CHRM3: variants seen among roughly 807,000 people sequenced by gnomAD.
The protein encoded by CHRM3 is cholinergic receptor muscarinic 3.
A neutral mutation model predicts 41.8 loss-of-function variants in CHRM3; 11 were observed. The observed-to-expected ratio is 0.26, with a 90% CI of 0.17 to 0.44. The LOEUF (loss-of-function observed/expected upper bound fraction) is 0.44, where lower values mean the gene tolerates loss of function less well. CHRM3 is among the 20% of genes least tolerant of loss of function. The pLI is 1.00. For missense variants in CHRM3, 571 were observed against 745.4 expected (o/e 0.77, Z 2.72); for synonymous variants, 297 against 301.4 (o/e 0.99, Z 0.15).
intron 2 of CHRM3, among the ~76,000 whole-genome samples, chr1:239,519,815 T>C (rs1196203101): frequency 1.4e-5 from 2 of 141,232 alleles, no homozygotes; most frequent in African/African-American, 5.2e-5. Flanking sequence ...TGGCACGATC[T>C]TGGCTCACTG....
At chr1:239,672,688 G>A (rs1474261231) in intron 4 of CHRM3, among the ~76,000 whole-genome samples, 1 of 151,912 alleles carries the variant, frequency 6.6e-6, no homozygotes, top group Non-Finnish European at 1.5e-5. Context: ...CTTATCCAAA[G>A]GAGATCAAAC....
chr1:239,875,462 G>T (rs1261169024), intron 6 of CHRM3, among the ~76,000 whole-genome samples: 1 of 152,202 alleles, frequency 6.6e-6, no homozygotes, highest in Non-Finnish European at 1.5e-5. Flanking sequence ...TGCTTAACAT[G>T]TGTCACAAAA....
At chr1:239,467,552 G>A (rs773549331) in intron 1 of CHRM3, among the ~76,000 whole-genome samples, 8 of 152,026 alleles carry the variant, frequency 5.3e-5, no homozygotes, top group Non-Finnish European at 1.2e-4. Flanking sequence ...CGCCTGCCTC[G>A]GCCTCCCAAA....
chr1:239,607,074 C>T (rs1284536637), intron 3 of CHRM3, among the ~76,000 whole-genome samples: 1 of 151,972 alleles, frequency 6.6e-6, no homozygotes, highest in Non-Finnish European at 1.5e-5. Context: ...TCAGTGAAAA[C>T]GTGTGATTTT....
chr1:239,620,345 G>T (rs142248706), intron 3 of CHRM3, among the ~76,000 whole-genome samples: 1 of 152,150 alleles, frequency 6.6e-6, no homozygotes, highest in African/African-American at 2.4e-5. Flanking sequence ...CGCCTTTGGT[G>T]CAAGACTGTG....
chr1:239,766,923 G>A (rs967216067), intron 5 of CHRM3, among the ~76,000 whole-genome samples: 3 of 152,122 alleles, frequency 2.0e-5, no homozygotes, highest in Admixed American at 6.6e-5. Flanking sequence ...TTTTGGCCAG[G>A]CTGGTCTCGA....
chr1:239,859,762 T>G (rs1357715691), intron 6 of CHRM3, among the ~76,000 whole-genome samples: 1 of 149,896 alleles, frequency 6.7e-6, no homozygotes, highest in African/African-American at 2.5e-5. Flanking sequence ...GTTGTATTTA[T>G]GTAGTGCATG....
chr1:239,627,527 G>A (rs1406573699), intron 3 of CHRM3, among the ~76,000 whole-genome samples: 1 of 109,216 alleles, frequency 9.2e-6, no homozygotes, highest in Non-Finnish European at 1.9e-5. Context: ...TGTTATGTGT[G>A]AATTTGATCC....
At chr1:239,749,310 C>T (rs1665616373) in intron 5 of CHRM3, among the ~76,000 whole-genome samples, 1 of 152,050 alleles carries the variant, frequency 6.6e-6, no homozygotes, top group Non-Finnish European at 1.5e-5. Context: ...TTCAGATAAG[C>T]CCTACGGTGG....
At chr1:239,451,229 A>G (rs1362688800) in intron 1 of CHRM3, among the ~76,000 whole-genome samples, 3 of 152,208 alleles carry the variant, frequency 2.0e-5, no homozygotes, top group African/African-American at 7.2e-5. Flanking sequence ...GAAATAAAAT[A>G]ATAATAAATG....
At position 239,908,052 on chromosome 1, in the gene CHRM3, G is replaced by T; in HGVS notation, c.601G>T (p.Ala201Ser). The change falls in exon 7 of 7, where the codon GCT becomes TCT. Residue 201 changes from alanine (A) to serine (S), a missense_variant. Coordinates refer to ENST00000676153, the MANE Select transcript of CHRM3 (RefSeq NM_001375978.1). The surrounding 1 kb of genome is among the most constrained non-coding windows in gnomAD (Gnocchi z 7.2). ...TTGGGTCATCTCCTTTGTCCTTTGG[G>T]CTCCTGCCATCTTGTTCTGGCAATA... is the stretch of plus-strand genomic sequence containing the variant. ...LAWVISFVLW[A>S]PAILFWQYFV... 6.2e-7 allele frequency: 1 copy of T among 1,614,138 alleles called. No homozygotes were observed.
At chr1:239,468,172 G>A (rs1436426220) in intron 1 of CHRM3, among the ~76,000 whole-genome samples, 2 of 151,996 alleles carry the variant, frequency 1.3e-5, no homozygotes, top group Non-Finnish European at 2.9e-5. Flanking sequence ...ATCCATTTTG[G>A]GTCAGTCATT....
intron 5 of CHRM3, among the ~76,000 whole-genome samples, chr1:239,695,903 A>G (rs1476299706): frequency 1.1e-4 from 16 of 152,204 alleles, no homozygotes; most frequent in Non-Finnish European, 2.9e-5. Flanking sequence ...AAGTACTTCA[A>G]AAGTATTTAT....
chr1:239,469,961 A>T (rs1269935380), intron 1 of CHRM3, among the ~76,000 whole-genome samples: 1 of 152,082 alleles, frequency 6.6e-6, no homozygotes, highest in Non-Finnish European at 1.5e-5. Context: ...CTGGAGTCTC[A>T]GGTGAAGGCT....
chr1:239,686,531 C>G (rs1474995236), intron 5 of CHRM3, among the ~76,000 whole-genome samples: 1 of 152,154 alleles, frequency 6.6e-6, no homozygotes, highest in Non-Finnish European at 1.5e-5. Flanking sequence ...TTCTCCATGT[C>G]TTTCCCCAGA....
chr1:239,837,719 A>G (rs1241436669), intron 6 of CHRM3, among the ~76,000 whole-genome samples: 1 of 152,218 alleles, frequency 6.6e-6, no homozygotes, highest in Non-Finnish European at 1.5e-5. Context: ...AATTTTATAT[A>G]TGGCTGACTT....
chr1:239,524,544 G>A (rs567229427), intron 2 of CHRM3, among the ~76,000 whole-genome samples: 1 of 152,084 alleles, frequency 6.6e-6, no homozygotes, highest in African/African-American at 2.4e-5. Flanking sequence ...AAGAAAATTG[G>A]TATTGTAGAG....
chr1:239,458,348 G>C (rs1173904337), intron 1 of CHRM3, among the ~76,000 whole-genome samples: 1 of 152,126 alleles, frequency 6.6e-6, no homozygotes, highest in Non-Finnish European at 1.5e-5. Flanking sequence ...ATATTTTTAA[G>C]ATGACTGGCT....
chr1:239,672,914 A>G (rs930709436), intron 4 of CHRM3, among the ~76,000 whole-genome samples: 1 of 152,088 alleles, frequency 6.6e-6, no homozygotes, highest in Admixed American at 6.5e-5. Context: ...GATTTTTTGA[A>G]GCACCAGATG....
Sources: allele counts gnomAD v4.1 joint callset (sites outside exome capture counted in the v4.1 genomes callset), GRCh38; gene constraint gnomAD v4.1.1; non-coding constraint Gnocchi (gnomAD v3.1); transcripts MANE v1.5; gene names NCBI Gene and HGNC (gene_info 2026-07-23, HGNC 2026-07-21).